COL9A3: variants seen among roughly 807,000 people sequenced by gnomAD.
COL9A3 encodes the protein collagen alpha-3(IX) chain.
COL9A3 carries 82 observed loss-of-function variants against 110.2 expected under a neutral mutation model. The ratio of observed to expected loss-of-function variants is 0.74; its 90% confidence interval spans 0.62 to 0.89. The LOEUF (loss-of-function observed/expected upper bound fraction) is 0.89, where lower values mean the gene tolerates loss of function less well. Among genes scored for constraint, COL9A3 ranks in the 40% least tolerant of loss-of-function variants. COL9A3 has a pLI of 0.00. For missense variants in COL9A3, 1,066 were observed against 981.3 expected (o/e 1.09, Z -1.15); for synonymous variants, 494 against 403.8 (o/e 1.22, Z -2.68).
intron 2 of COL9A3, 59 bp downstream of exon 2, chr20:62,817,694 C>G: frequency 8.9e-7 from 1 of 1,129,264 alleles, no homozygotes; most frequent in Non-Finnish European, 1.3e-6. Context: ...TGGCCCCCAC[C>G]TCCCTGAGCT....
At chr20:62,840,413 C>T in intron 31 of COL9A3, 129 bp from the exon 32 acceptor site, 1 of 900,506 alleles carries the variant, frequency 1.1e-6, no homozygotes, top group Non-Finnish European at 1.8e-6. Flanking sequence ...GGCCTCCCCA[C>T]CCGCTGTGGC....
rs752571990 is a variant in COL9A3, at chr20:62,821,549, T to C, written c.369+19T>C. The stretch of plus-strand genomic sequence containing the variant: ...ACCCCCCGTGAGTACTGACAACCCT[T>C]GGGGCCCTGAGCAAGCACGCAAGTC... On this transcript the variant is annotated intron_variant, in intron 7 of 31. Transcript: ENST00000649368. 28 of 1,612,476 alleles carry C rather than the reference T, an allele frequency of 1.7e-5. No individual in the cohort carries two copies. Among genetic ancestry groups the C allele is most frequent in the Non-Finnish European group, 2.4e-5 (28 of 1,179,830 alleles).
chr20:62,826,318 C>G (rs11699142), intron 14 of COL9A3, 61 bp downstream of exon 14: 3 of 1,447,314 alleles, frequency 2.1e-6, no homozygotes, highest in Admixed American at 4.0e-5. Flanking sequence ...TTGTCTGCAC[C>G]TCCAGACTTC....
Position 62,824,988 on chromosome 20 carries a change from C to T in COL9A3, c.597C>T (p.Gly199=). 6.2e-7 allele frequency: 1 copy of T among 1,610,004 alleles called. No individual in the cohort carries two copies. The highest frequency in any genetic ancestry group is 1.1e-5 in the South Asian group (1 of 90,584). The stretch of plus-strand genomic sequence containing the variant: ...TGCAGGGACCCACTGGCTACAAAGG[C>T]GAGCAGGGGGAAGTCGGCAAGGACG... ...PGFKGPTGYK[G]EQGEVGKDGE... is the part of the protein sequence containing the mutation. Residue 199 remains glycine (G), a synonymous_variant, in exon 12 of 32, where the codon GGC becomes GGT. Coordinates refer to ENST00000649368, the MANE Select transcript of COL9A3 (RefSeq NM_001853.4).
At chr20:62,838,594 CCT>C (rs1470713113) in intron 30 of COL9A3, 88 bp from the exon 31 acceptor site, 14 of 1,172,806 alleles carry the variant, frequency 1.2e-5, no homozygotes, top group East Asian at 7.7e-5. Flanking sequence ...AAGCTGGCAC[CCT>C]GTTTGTTACA....
chr20:62,837,214 C>T lies in COL9A3; in HGVS notation c.1735C>T (p.Pro579Ser), dbSNP rs758064613. 9 of 1,612,208 alleles carry T rather than the reference C, an allele frequency of 5.6e-6. No individual in the cohort carries two copies. In the Admixed American group the frequency reaches 6.7e-5, roughly 12 times the overall value. ...GSIGHPGARG[P>S]PGYRGPTGEL... Reference sequence around the variant, plus strand: ...CATTGGTCACCCTGGCGCTCGAGGACCCCCTGGATACCGCGGTCCCACTGG... The same window carrying T: ...CATTGGTCACCCTGGCGCTCGAGGATCCCCTGGATACCGCGGTCCCACTGG... Residue 579 changes from proline to serine, a missense_variant, in exon 30 of 32, where the codon CCC becomes TCC. Transcript: ENST00000649368.
At chr20:62,831,157 A>G (rs114814657) in intron 24 of COL9A3, 8,763 of 152,354 alleles carry the variant, frequency 0.058, 591 homozygotes, top group African/African-American at 0.16. Flanking sequence ...TTTGAACACC[A>G]TGTCCCAAGT....
At position 62,827,823 on chromosome 20, in the gene COL9A3, C is replaced by T. The variant is rs1214883858; in HGVS notation, c.847-100C>T. 4 of 1,321,590 alleles carry T rather than the reference C, an allele frequency of 3.0e-6. No individual in the cohort carries two copies. The African/African-American group carries it at 4.3e-5, about 14-fold the overall frequency. The allele number at this position is 1,321,590 out of a possible 1,614,324, so 81.9% of individuals were successfully genotyped here. A position where few individuals can be genotyped will look rare whatever the true frequency, so the allele number is the denominator to read the frequency against. On this transcript the variant is annotated intron_variant, in intron 16 of 31. Coordinates refer to ENST00000649368, the MANE Select transcript of COL9A3 (RefSeq NM_001853.4). ...GGTCGGGGGTGGCCCCTGCCGCTGC[C>T]CACCATAGCTCCTTGGTGTCCCCGA... is the stretch of plus-strand genomic sequence containing the variant.
chr20:62,830,328 A>T (rs777551732), intron 22 of COL9A3, 32 bp from the exon 23 acceptor site: 13 of 1,558,764 alleles, frequency 8.3e-6, no homozygotes, highest in Non-Finnish European at 8.7e-6. Context: ...GAACCCTGAG[A>T]CATCCGCTCA....
intron 10 of COL9A3, among the ~76,000 whole-genome samples, chr20:62,824,009 C>T (rs2147204358): frequency 6.6e-6 from 1 of 151,748 alleles, no homozygotes; most frequent in South Asian, 2.1e-4. Context: ...GGAGTGGCCT[C>T]CTGGGGTCCC....
At chr20:62,820,599 C>T (rs1053432752) in intron 5 of COL9A3, among the ~76,000 whole-genome samples, 5 of 152,184 alleles carry the variant, frequency 3.3e-5, no homozygotes, top group Non-Finnish European at 2.9e-5. Context: ...AGGCATGAGG[C>T]GGATTCTGAG....
rs1331857171 is a variant in COL9A3, at chr20:62,840,890, C to T, written c.*158C>T. The T allele has an allele frequency of 1.3e-6, 1 of 746,296 alleles. No individual in the cohort carries two copies. Among genetic ancestry groups the T allele is most frequent in the Non-Finnish European group, 2.3e-6 (1 of 441,408 alleles). The allele number at this position is 746,296 out of a possible 1,614,324, so 46.2% of individuals were successfully genotyped here. On this transcript the variant is annotated 3_prime_UTR_variant, in exon 32 of 32. Coordinates refer to ENST00000649368, the MANE Select transcript of COL9A3 (RefSeq NM_001853.4). Reference sequence around the variant, plus strand: ...CGCGCGGGCCTTGCCAGCGAGCACCCTCATCGGGCTGTCGCCTGACAGCAT... The same window carrying T: ...CGCGCGGGCCTTGCCAGCGAGCACCTTCATCGGGCTGTCGCCTGACAGCAT...
In COL9A3 at chr20:62,830,351, G is replaced by T; in HGVS notation, c.1162-9G>T. ...AGACATCCGCTCACACCTCACCTTTGTCTTCCAGGGGGCCCTCGGCCCACA... is the reference window on the plus strand; with the variant it reads ...AGACATCCGCTCACACCTCACCTTTTTCTTCCAGGGGGCCCTCGGCCCACA... On this transcript the variant is annotated splice_polypyrimidine_tract_variant and intron_variant, in intron 22 of 31. Transcript: ENST00000649368. 1 of 1,569,186 alleles carries T rather than the reference G, an allele frequency of 6.4e-7. No individual in the cohort carries two copies.
chr20:62,827,858 C>T (rs371665481), intron 16 of COL9A3, 65 bp from the exon 17 acceptor site: 185 of 1,557,988 alleles, frequency 1.2e-4, no homozygotes, highest in East Asian at 6.7e-5. Context: ...AGCAGCTGGC[C>T]GGAGAATGCG....
At chr20:62,836,651 C>T (rs973024472) in intron 29 of COL9A3, 119 bp downstream of exon 29, 1 of 1,089,106 alleles carries the variant, frequency 9.2e-7, no homozygotes, top group Non-Finnish European at 1.3e-6. Flanking sequence ...GCCCCTAGCA[C>T]TCACCCCGCC....
In COL9A3 at chr20:62,836,316, G is replaced by A; in HGVS notation, c.1531G>A (p.Gly511Arg). The A allele has an allele frequency of 6.2e-7, 1 of 1,613,780 alleles. No individual in the cohort carries two copies. ...QGVPGVPGITGKPGVPGKEAS... is the reference protein window; with the variant it reads ...QGVPGVPGITRKPGVPGKEAS... ...CGTCCCGGGTGTTCCTGGCATCACG[G>A]GGAAGCCGGGAGTTCCGGTACGTCG... Residue 511 changes from glycine (G) to arginine (R), a missense_variant, in exon 28 of 32, where the codon GGG becomes AGG. Transcript: ENST00000649368.
upstream of COL9A3, among the ~76,000 whole-genome samples, chr20:62,816,885 C>T (rs903386638): frequency 6.6e-6 from 1 of 151,888 alleles, no homozygotes; most frequent in Non-Finnish European, 1.5e-5. Flanking sequence ...TTGTTTTCGC[C>T]CAGGCGGGCT....
intron 3 of COL9A3, 70 bp downstream of exon 3, chr20:62,818,623 G>A (rs768884138): frequency 1.9e-5 from 28 of 1,478,580 alleles, no homozygotes; most frequent in East Asian, 6.8e-5. Flanking sequence ...AGAACAGAGG[G>A]GTCATTGATA....
At chr20:62,840,246 A>C (rs1600815022) in intron 31 of COL9A3, among the ~76,000 whole-genome samples, 1 of 133,640 alleles carries the variant, frequency 7.5e-6, no homozygotes, top group South Asian at 2.5e-4. Context: ...CTCCAAATCC[A>C]CTCCTTACTC....
Sources: gnomAD v4.1 joint callset for allele counts (sites outside exome capture counted in the v4.1 genomes callset) on GRCh38, gnomAD v4.1.1 for gene constraint, MANE v1.5 for transcripts, NCBI Gene and HGNC (gene_info 2026-07-23, HGNC 2026-07-21) for gene names.